CNTNAP2: variants seen among roughly 807,000 people sequenced by gnomAD.
The protein encoded by CNTNAP2 is contactin-associated protein-like 2.
CNTNAP2 carries 98 observed loss-of-function variants against 155.2 expected under a neutral mutation model. That is an observed-to-expected ratio of 0.63 (90% CI 0.54 to 0.75). The LOEUF is 0.75. Ranked by LOEUF, CNTNAP2 falls within the 30% of genes least tolerant of loss-of-function variation. CNTNAP2 has a pLI of 0.00. For missense variants in CNTNAP2, 1,727 were observed against 1,688.1 expected, an observed-to-expected ratio of 1.02 and a Z score of -0.40; for synonymous variants, 651 against 631.2, an observed-to-expected ratio of 1.03 and a Z score of -0.47.
intron 18 of CNTNAP2, among the ~76,000 whole-genome samples, chr7:148,216,436 C>T (rs1266351222): frequency 6.6e-6 from 1 of 151,754 alleles, no homozygotes; most frequent in Non-Finnish European, 1.5e-5. Context: ...AACTTCAAGA[C>T]ATGTGATTGT....
At chr7:146,373,822 C>A (rs374844917) in intron 1 of CNTNAP2, among the ~76,000 whole-genome samples, 1 of 152,062 alleles carries the variant, frequency 6.6e-6, no homozygotes, top group Non-Finnish European at 1.5e-5. Flanking sequence ...GTCATATACA[C>A]GTTATCTGGA....
chr7:146,220,710 T>G (rs756075052), intron 1 of CNTNAP2, among the ~76,000 whole-genome samples: 8 of 152,214 alleles, frequency 5.3e-5, no homozygotes, highest in Non-Finnish European at 1.2e-4. Context: ...AATACTAATA[T>G]AATTCTGTTA....
At chr7:147,505,186 CA>C (rs2116677126) in intron 11 of CNTNAP2, among the ~76,000 whole-genome samples, 2 of 152,174 alleles carry the variant, frequency 1.3e-5, no homozygotes, top group East Asian at 3.9e-4. Flanking sequence ...CCCTGATGTA[CA>C]AACCCAGAAT....
At chr7:146,143,527 A>G (rs1052717440) in intron 1 of CNTNAP2, among the ~76,000 whole-genome samples, 1 of 152,136 alleles carries the variant, frequency 6.6e-6, no homozygotes, top group African/African-American at 2.4e-5. Context: ...TTTAAATGAC[A>G]TAACCTCCAG....
intron 15 of CNTNAP2, among the ~76,000 whole-genome samples, chr7:148,114,987 C>T (rs1804435191): frequency 1.3e-5 from 2 of 152,166 alleles, no homozygotes; most frequent in African/African-American, 2.4e-5. Context: ...ATTTAATAAG[C>T]TCATCCAGAG....
chr7:147,841,950 G>C (rs1441460282), intron 13 of CNTNAP2, among the ~76,000 whole-genome samples: 1 of 149,518 alleles, frequency 6.7e-6, no homozygotes, highest in East Asian at 1.9e-4. Flanking sequence ...CAAAATGGTA[G>C]ATTTTAAATT....
chr7:147,583,997 G>A (rs73741416), intron 12 of CNTNAP2, among the ~76,000 whole-genome samples: 2,553 of 152,158 alleles, frequency 0.017, 65 homozygotes, highest in African/African-American at 0.058. Context: ...AGACAATAGA[G>A]GCTCAACCTT....
intron 1 of CNTNAP2, among the ~76,000 whole-genome samples, chr7:146,506,011 T>G (rs1175900459): frequency 6.6e-6 from 1 of 152,230 alleles, no homozygotes; most frequent in African/African-American, 2.4e-5. Context: ...GTGGGTTATA[T>G]GGAACCTCCA....
chr7:147,098,143 GC>G (rs1454708944), intron 4 of CNTNAP2, among the ~76,000 whole-genome samples: 1 of 152,090 alleles, frequency 6.6e-6, no homozygotes, highest in African/African-American at 2.4e-5. Context: ...CTGTTTCTGG[GC>G]CCTTTCCACG....
At chr7:146,539,581 G>A (rs1046953828) in intron 1 of CNTNAP2, among the ~76,000 whole-genome samples, 3 of 151,870 alleles carry the variant, frequency 2.0e-5, no homozygotes, top group African/African-American at 7.3e-5. Flanking sequence ...AAAGAAAACA[G>A]GACTAAATTG....
chr7:147,453,176 G>A (rs1027668843), intron 10 of CNTNAP2, among the ~76,000 whole-genome samples: 2 of 152,104 alleles, frequency 1.3e-5, no homozygotes, highest in African/African-American at 4.8e-5. Context: ...TCTTAAGCAT[G>A]CCATGTTCTG....
Position 147,110,209 on chromosome 7 carries a change from GT to G in CNTNAP2, c.754+1860del, listed in dbSNP as rs1054657826. 5.8e-4 allele frequency among the ~76,000 whole-genome samples: 88 copies of G among 152,250 alleles called. No homozygotes were observed. The Middle Eastern group carries it at 0.01, about 18-fold the overall frequency. On this transcript the variant is annotated intron_variant, in intron 5 of 23. Transcript: ENST00000361727. ...CAAAGTGCTGGGATTACAAGCCACCGTGCCTGGCCCTGTTGTTGTTTTTAAA... is the reference window on the plus strand; with the variant it reads ...CAAAGTGCTGGGATTACAAGCCACCGGCCTGGCCCTGTTGTTGTTTTTAAA...
intron 1 of CNTNAP2, among the ~76,000 whole-genome samples, chr7:146,544,730 G>T (rs1288451110): frequency 8.7e-6 from 1 of 114,836 alleles, no homozygotes; most frequent in Non-Finnish European, 1.9e-5. Context: ...TTGATATTAA[G>T]CAGGTTGTGT....
intron 8 of CNTNAP2, among the ~76,000 whole-genome samples, chr7:147,222,706 G>T (rs1210111699): frequency 2.0e-5 from 3 of 151,952 alleles, no homozygotes; most frequent in Non-Finnish European, 4.4e-5. Context: ...TAATGTGGTG[G>T]TAAGGTATAT....
At chr7:147,188,454 A>G (rs973301394) in intron 8 of CNTNAP2, among the ~76,000 whole-genome samples, 4 of 152,230 alleles carry the variant, frequency 2.6e-5, no homozygotes, top group African/African-American at 9.6e-5. Flanking sequence ...AGGGAGAGCT[A>G]TGAAATTGAC....
chr7:147,007,889 A>G (rs1167636762), intron 3 of CNTNAP2, among the ~76,000 whole-genome samples: 1 of 152,156 alleles, frequency 6.6e-6, no homozygotes, highest in Non-Finnish European at 1.5e-5. Flanking sequence ...ATAATAAAAT[A>G]CACTAAAATA....
intron 21 of CNTNAP2, among the ~76,000 whole-genome samples, chr7:148,349,503 G>T (rs1461092193): frequency 6.6e-6 from 1 of 150,652 alleles, no homozygotes; most frequent in African/African-American, 2.4e-5. Context: ...CCAGGTTCAC[G>T]CCATTCTCCT....
chr7:146,173,443 T>C (rs565917039), intron 1 of CNTNAP2, among the ~76,000 whole-genome samples: 3 of 152,040 alleles, frequency 2.0e-5, no homozygotes, highest in Non-Finnish European at 4.4e-5. Context: ...CCTCAAATAA[T>C]CCCCCTCACC....
intron 13 of CNTNAP2, among the ~76,000 whole-genome samples, chr7:147,783,582 A>G (rs926082005): frequency 6.6e-6 from 1 of 152,232 alleles, no homozygotes; most frequent in Non-Finnish European, 1.5e-5. Context: ...TTTGAGATCA[A>G]GATGACCACA....
Sources: gnomAD v4.1 joint callset for allele counts (sites outside exome capture counted in the v4.1 genomes callset) on GRCh38, gnomAD v4.1.1 for gene constraint, MANE v1.5 for transcripts, NCBI Gene and HGNC (gene_info 2026-07-23, HGNC 2026-07-21) for gene names.